Variants in LINGO2 observed in about 807,000 individuals in gnomAD.
LINGO2 encodes the protein leucine rich repeat and Ig domain containing 2, also known as leucine-rich repeat and immunoglobulin-like domain-containing nogo receptor-interacting protein 2.
In LINGO2, 14 loss-of-function variants were observed where a neutral mutation model predicts 30.6. That is an observed-to-expected ratio of 0.46 (90% CI 0.30 to 0.72). The LOEUF (loss-of-function observed/expected upper bound fraction) is 0.72, where lower values mean the gene tolerates loss of function less well. LINGO2 is among the 30% of genes least tolerant of loss of function. The pLI is 0.07. For synonymous variants in LINGO2, 317 were observed against 288.5 expected, an observed-to-expected ratio of 1.10 and a Z score of -1.00; for missense variants, 729 against 751.7, an observed-to-expected ratio of 0.97 and a Z score of 0.35.
chr9:28,714,168 T>C, the LINGO2 span, among the ~76,000 whole-genome samples: 6 of 83,600 alleles, frequency 7.2e-5, no homozygotes, highest in Admixed American at 7.7e-4. Context: ...TCAAATAATA[T>C]ATATATATAT....
At chr9:28,336,365 T>C (rs907618922) in intron 3 of LINGO2, among the ~76,000 whole-genome samples, 5 of 152,110 alleles carry the variant, frequency 3.3e-5, no homozygotes, top group Non-Finnish European at 7.4e-5. Context: ...AGTTGGTAAT[T>C]TGTCTTTTCA....
chr9:29,025,803 C>T, the LINGO2 span, among the ~76,000 whole-genome samples: 2 of 152,118 alleles, frequency 1.3e-5, no homozygotes, highest in East Asian at 1.9e-4. Flanking sequence ...CATCTCCCCC[C>T]TCTACCCTTA....
the LINGO2 span, among the ~76,000 whole-genome samples, chr9:29,189,557 A>T: frequency 1.4e-5 from 2 of 144,966 alleles, no homozygotes. Flanking sequence ...GACGCTCCTC[A>T]CTTCCTAGAT....
chr9:28,985,958 C>G, the LINGO2 span, among the ~76,000 whole-genome samples: 1 of 151,910 alleles, frequency 6.6e-6, no homozygotes, highest in Non-Finnish European at 1.5e-5. Context: ...TGTGTTTCTC[C>G]TATGTTTTCT....
the LINGO2 span, among the ~76,000 whole-genome samples, chr9:28,705,935 T>C: frequency 3.3e-5 from 5 of 152,036 alleles, no homozygotes; most frequent in Admixed American, 6.6e-5. Flanking sequence ...GGTTGATTTT[T>C]TTTTCAAATT....
chr9:29,171,742 G>T, the LINGO2 span, among the ~76,000 whole-genome samples: 1 of 151,664 alleles, frequency 6.6e-6, no homozygotes, highest in Non-Finnish European at 1.5e-5. Flanking sequence ...AAGTAGAATT[G>T]CAATACAACA....
the LINGO2 span, among the ~76,000 whole-genome samples, chr9:28,683,886 T>C: frequency 6.6e-6 from 1 of 152,108 alleles, no homozygotes; most frequent in Non-Finnish European, 1.5e-5. Flanking sequence ...TTTCTCTCTT[T>C]CCCGCATTGT....
At chr9:28,993,503 C>G in the LINGO2 span, among the ~76,000 whole-genome samples, 88 of 152,040 alleles carry the variant, frequency 5.8e-4, no homozygotes, top group Non-Finnish European at 9.7e-4. Context: ...GGAATCCTCC[C>G]TAACTCATTT....
the LINGO2 span, among the ~76,000 whole-genome samples, chr9:28,862,963 C>T: frequency 1.3e-5 from 2 of 152,028 alleles, no homozygotes; most frequent in South Asian, 4.1e-4. Context: ...AACAATTAGG[C>T]TTTTGTGACC....
chr9:28,215,538 A>G (rs1369960074), intron 4 of LINGO2, among the ~76,000 whole-genome samples: 1 of 151,914 alleles, frequency 6.6e-6, no homozygotes, highest in African/African-American at 2.4e-5. Flanking sequence ...TTGAGCTGGA[A>G]GAGCAAGTGA....
At chr9:28,042,833 A>C (rs1411219213) in intron 4 of LINGO2, among the ~76,000 whole-genome samples, 4 of 152,182 alleles carry the variant, frequency 2.6e-5, no homozygotes, top group Non-Finnish European at 5.9e-5. Context: ...GTTATTATAC[A>C]AATAAGAGTT....
At chr9:29,015,832 T>C in the LINGO2 span, among the ~76,000 whole-genome samples, 29 of 152,312 alleles carry the variant, frequency 1.9e-4, no homozygotes, top group East Asian at 5.4e-3. Flanking sequence ...CATCTAAAAC[T>C]GTCTATGAAA....
the LINGO2 span, among the ~76,000 whole-genome samples, chr9:28,919,159 G>T: frequency 2.0e-5 from 3 of 152,064 alleles, no homozygotes; most frequent in Admixed American, 6.6e-5. Context: ...ACAGAGCATC[G>T]CCAGATGTAC....
At chr9:28,552,455 C>T (rs964345708) in intron 1 of LINGO2, among the ~76,000 whole-genome samples, 1 of 152,008 alleles carries the variant, frequency 6.6e-6, no homozygotes, top group African/African-American at 2.4e-5. Context: ...TTATTGTTTA[C>T]TAGCTTATTT....
At chr9:28,668,057 A>G (rs755858333) in intron 1 of LINGO2, among the ~76,000 whole-genome samples, 1 of 149,364 alleles carries the variant, frequency 6.7e-6, no homozygotes, top group Non-Finnish European at 1.5e-5. Context: ...CTTAACTAAT[A>G]TCATGGATTT....
the LINGO2 span, among the ~76,000 whole-genome samples, chr9:29,091,761 G>A: frequency 9.9e-5 from 15 of 151,988 alleles, no homozygotes; most frequent in African/African-American, 3.1e-4. Flanking sequence ...TTCTACATTG[G>A]ATTCATTCAC....
chr9:28,368,235 A>G (rs528562875), intron 3 of LINGO2, among the ~76,000 whole-genome samples: 18 of 151,934 alleles, frequency 1.2e-4, no homozygotes, highest in African/African-American at 3.9e-4. Context: ...CCCTCTGTTT[A>G]TAGGAGTTTC....
chr9:28,023,120 T>A (rs1163651111), intron 4 of LINGO2, among the ~76,000 whole-genome samples: 1 of 152,188 alleles, frequency 6.6e-6, no homozygotes, highest in Non-Finnish European at 1.5e-5. Context: ...CTATTTTAAA[T>A]TCCTTATCTG....
At chr9:28,344,547 T>C (rs1819493337) in intron 3 of LINGO2, among the ~76,000 whole-genome samples, 1 of 152,166 alleles carries the variant, frequency 6.6e-6, no homozygotes, top group Non-Finnish European at 1.5e-5. Context: ...CATAGAAATA[T>C]GGAGACTGTG....
Sources: allele counts gnomAD v4.1 joint callset (sites outside exome capture counted in the v4.1 genomes callset), GRCh38; gene constraint gnomAD v4.1.1; transcripts MANE v1.5; gene names NCBI Gene and HGNC (gene_info 2026-07-23, HGNC 2026-07-21).